The following THSD7A variants were observed in gnomAD, a reference collection of about 807,000 sequenced individuals.
THSD7A encodes the protein thrombospondin type-1 domain-containing protein 7A.
A neutral mutation model predicts 231.3 loss-of-function variants in THSD7A; 96 were observed. The observed-to-expected ratio is 0.41, with a 90% CI of 0.35 to 0.49. The LOEUF is 0.49. Among genes scored for constraint, THSD7A ranks in the 20% least tolerant of loss-of-function variants. THSD7A has a pLI of 0.05. For missense variants in THSD7A, 2,290 were observed against 2,070.2 expected, an observed-to-expected ratio of 1.11 and a Z score of -2.06; for synonymous variants, 940 against 743.3, an observed-to-expected ratio of 1.26 and a Z score of -4.30.
chr7:11,818,102 T>C (rs1256062187), intron 1 of THSD7A, among the ~76,000 whole-genome samples: 1 of 152,212 alleles, frequency 6.6e-6, no homozygotes, highest in African/African-American at 2.4e-5. Context: ...ACCATTTGTG[T>C]TCTGATACCA....
intron 1 of THSD7A, among the ~76,000 whole-genome samples, chr7:11,643,979 T>C (rs1384946785): frequency 2.6e-5 from 4 of 151,786 alleles, no homozygotes; most frequent in Admixed American, 6.6e-5. Context: ...AGATTGCTGT[T>C]CCTCCAAGTC....
Position 11,424,916 on chromosome 7 carries a change from C to G in THSD7A, c.3250-87G>C. ...CCACACCATAACAGCAATCATTTCA[C>G]TGTGAAGCTACTTTCACTCCCCTCC... On this transcript the variant is annotated intron_variant, in intron 15 of 27. Transcript: ENST00000423059. 3 of 1,509,286 alleles carry G rather than the reference C, an allele frequency of 2.0e-6. No homozygotes were observed. In the South Asian group the frequency reaches 3.7e-5, roughly 19 times the overall value. The allele number at this position is 1,509,286 out of a possible 1,614,324, so 93.5% of individuals were successfully genotyped here. A position where few individuals can be genotyped will look rare whatever the true frequency, so the allele number is the denominator to read the frequency against.
At chr7:11,639,203 A>G (rs1256500979) in intron 1 of THSD7A, among the ~76,000 whole-genome samples, 1 of 152,198 alleles carries the variant, frequency 6.6e-6, no homozygotes, top group Non-Finnish European at 1.5e-5. Flanking sequence ...TTCCTGATAT[A>G]TTATTTTTTT....
chr7:11,678,472 A>G (rs1409521494), intron 1 of THSD7A, among the ~76,000 whole-genome samples: 1 of 152,182 alleles, frequency 6.6e-6, no homozygotes, highest in Admixed American at 6.5e-5. Flanking sequence ...AGAAGAAAAG[A>G]GAGAAGAATC....
At chr7:11,793,474 T>C (rs1784021290) in intron 1 of THSD7A, among the ~76,000 whole-genome samples, 1 of 151,806 alleles carries the variant, frequency 6.6e-6, no homozygotes, top group South Asian at 2.1e-4. Flanking sequence ...CTGAAGAATC[T>C]GAAAATCATG....
chr7:11,666,685 AT>A (rs1430393466), intron 1 of THSD7A, among the ~76,000 whole-genome samples: 3 of 149,186 alleles, frequency 2.0e-5, no homozygotes, highest in Non-Finnish European at 4.5e-5. Flanking sequence ...CTGTTTTTTG[AT>A]TCCTTAAGAA....
intron 1 of THSD7A, among the ~76,000 whole-genome samples, chr7:11,784,431 A>AT: frequency 6.6e-6 from 1 of 151,754 alleles, no homozygotes; most frequent in Admixed American, 6.6e-5. Flanking sequence ...TTAGTCTGTC[A>AT]TTTTAATCCT....
intron 8 of THSD7A, among the ~76,000 whole-genome samples, chr7:11,470,437 CA>C (rs1785891207): frequency 6.6e-6 from 1 of 151,788 alleles, no homozygotes. Context: ...TTTATTTTTA[CA>C]AAATATGTAT....
rs1787143930 is a variant in THSD7A at position 11,497,331 on chromosome 7, C to G, written c.1823-15349G>C. 5.3e-5 allele frequency among the ~76,000 whole-genome samples: 8 copies of G among 152,114 alleles called. No homozygotes were observed. The South Asian group carries it at 1.5e-3, about 28-fold the overall frequency. ...AATGAGATTTGGTTGAGGACACAGC[C>G]AAAACATATCAATCAATAAGATAAT... On this transcript the variant is annotated intron_variant, in intron 6 of 27. Coordinates refer to ENST00000423059, the MANE Select transcript of THSD7A (RefSeq NM_015204.3).
At chr7:11,426,021 C>A (rs1238335994) in intron 15 of THSD7A, among the ~76,000 whole-genome samples, 1 of 150,054 alleles carries the variant, frequency 6.7e-6, no homozygotes, top group African/African-American at 2.5e-5. Flanking sequence ...AACTAACCTG[C>A]ACAATGTGCA....
Position 11,447,226 on chromosome 7 carries a change from T to G in THSD7A, c.2800+4A>C, listed in dbSNP as rs747282573. Reference sequence around the variant, plus strand: ...ACTGGCTTTGGCATCCCAATTATTCTTACCAACAAGAGTGCGCTTTCTGGT... The same window carrying G: ...ACTGGCTTTGGCATCCCAATTATTCGTACCAACAAGAGTGCGCTTTCTGGT... On this transcript the variant is annotated splice_donor_region_variant and intron_variant, in intron 12 of 27. Coordinates refer to ENST00000423059, the MANE Select transcript of THSD7A (RefSeq NM_015204.3). 3.1e-6 allele frequency: 5 copies of G among 1,612,824 alleles called. No individual in the cohort carries two copies. Among genetic ancestry groups the G allele is most frequent in the African/African-American group, 1.3e-5 (1 of 74,988 alleles).
intron 1 of THSD7A, among the ~76,000 whole-genome samples, chr7:11,676,757 T>C (rs1351006555): frequency 1.3e-5 from 2 of 152,016 alleles, no homozygotes; most frequent in East Asian, 3.9e-4. Flanking sequence ...CTCCAAGAAA[T>C]GTTGGACTAT....
intron 13 of THSD7A, among the ~76,000 whole-genome samples, chr7:11,439,149 T>G (rs1245532367): frequency 6.6e-6 from 1 of 152,032 alleles, no homozygotes; most frequent in East Asian, 1.9e-4. Flanking sequence ...GGCTTTGATT[T>G]TTTAATAGTG....
intron 6 of THSD7A, among the ~76,000 whole-genome samples, chr7:11,509,456 C>T (rs1253906749): frequency 6.6e-6 from 1 of 152,106 alleles, no homozygotes; most frequent in African/African-American, 2.4e-5. Flanking sequence ...AATAACTTTT[C>T]AATGCTGCTT....
chr7:11,783,877 C>T (rs1005936157), intron 1 of THSD7A, among the ~76,000 whole-genome samples: 5 of 151,972 alleles, frequency 3.3e-5, no homozygotes, highest in African/African-American at 1.2e-4. Flanking sequence ...TCAAAATTGT[C>T]TTTTACAAGA....
intron 13 of THSD7A, among the ~76,000 whole-genome samples, chr7:11,436,615 T>C (rs1190841244): frequency 6.6e-6 from 1 of 152,006 alleles, no homozygotes; most frequent in African/African-American, 2.4e-5. Flanking sequence ...TAGATTATAA[T>C]TGGAATGCTT....
chr7:11,813,409 G>T (rs1374046887), intron 1 of THSD7A, among the ~76,000 whole-genome samples: 1 of 152,130 alleles, frequency 6.6e-6, no homozygotes, highest in South Asian at 2.1e-4. Context: ...ATTATGCTGT[G>T]CTGGGTTTAA....
chr7:11,428,956 A>C lies in THSD7A; in HGVS notation c.3234T>G (p.His1078Gln). ...CAATGATAGAAAATACCTGGTTGAC[A>C]TGGTCCAGTTTGGGGCAAGGCCTTC... ...NGGRPCPKLD[H>Q]VNQAQVYEVV... is the part of the protein sequence containing the mutation. The change falls in exon 14 of 28, where the codon CAT (histidine) becomes CAG (glutamine). Residue 1078 changes from histidine (H) to glutamine (Q), a missense_variant. Transcript: ENST00000423059. 6.2e-7 allele frequency: 1 copy of C among 1,605,302 alleles called. No homozygotes were observed. Among genetic ancestry groups the C allele is most frequent in the Non-Finnish European group, 8.5e-7 (1 of 1,176,544 alleles).
At chr7:11,433,797 A>G (rs1784550302) in intron 13 of THSD7A, among the ~76,000 whole-genome samples, 1 of 152,028 alleles carries the variant, frequency 6.6e-6, no homozygotes, top group Admixed American at 6.6e-5. Flanking sequence ...AAGATTTAAC[A>G]TGTATGACTT....
Sources: gnomAD v4.1 joint callset for allele counts (sites outside exome capture counted in the v4.1 genomes callset) on GRCh38, gnomAD v4.1.1 for gene constraint, MANE v1.5 for transcripts, NCBI Gene and HGNC (gene_info 2026-07-23, HGNC 2026-07-21) for gene names.